NUP210L: variants seen among roughly 807,000 people sequenced by gnomAD.
NUP210L encodes nucleoporin 210 like.
Under a neutral mutation model 208.5 loss-of-function variants are expected in NUP210L, and 74 were observed. The ratio of observed to expected loss-of-function variants is 0.35; its 90% CI spans 0.29 to 0.43. The LOEUF is 0.43. Among genes scored for constraint, NUP210L ranks in the 20% least tolerant of loss-of-function variants. The pLI, the probability that NUP210L is intolerant of heterozygous loss-of-function variation, is 1.00. For synonymous variants in NUP210L, 780 were observed against 816.9 expected (o/e 0.95, Z 0.77); for missense variants, 1,843 against 2,289.4 (o/e 0.81, Z 3.98).
exon 6 of NUP210L, chr1:154,138,217 G>T: frequency 6.5e-7 from 1 of 1,534,360 alleles, no homozygotes; most frequent in Non-Finnish European, 8.7e-7. Context: ...ACAAGCAGAC[G>T]TATTAAGGCT....
chr1:153,995,764 G>A, intron 37 of NUP210L: 1 of 688,226 alleles, frequency 1.5e-6, no homozygotes, highest in Non-Finnish European at 2.7e-6. Context: ...ACCAAAATCT[G>A]CATGTGGCAT....
intron 35 of NUP210L, among the ~76,000 whole-genome samples, chr1:154,003,921 A>G (rs1650353555): frequency 6.6e-6 from 1 of 152,100 alleles, no homozygotes; most frequent in African/African-American, 2.4e-5. Flanking sequence ...GACCCTTATC[A>G]ATGCATGCTT....
intron 5 of NUP210L, 103 bp from the exon 6 acceptor site, chr1:154,138,341 A>C: frequency 6.7e-6 from 7 of 1,050,974 alleles, no homozygotes; most frequent in Non-Finnish European, 9.2e-6. Flanking sequence ...TTCTTTTAAA[A>C]TTTTTTATAA....
intron 14 of NUP210L, among the ~76,000 whole-genome samples, chr1:154,099,365 C>T (rs969872747): frequency 1.3e-5 from 2 of 152,144 alleles, no homozygotes; most frequent in African/African-American, 2.4e-5. Context: ...CACTTGGCGT[C>T]GGTTCCAAAC....
chr1:154,071,237 C>T (rs1654710085), intron 16 of NUP210L, among the ~76,000 whole-genome samples: 1 of 151,908 alleles, frequency 6.6e-6, no homozygotes, highest in Non-Finnish European at 1.5e-5. Context: ...GCTAGGACTA[C>T]AGGTGCGTGC....
chr1:154,066,201 T>C (rs906132795), intron 17 of NUP210L, among the ~76,000 whole-genome samples: 1 of 151,892 alleles, frequency 6.6e-6, no homozygotes, highest in African/African-American at 2.4e-5. Context: ...CACCCTAACA[T>C]CACAATTGAA....
At chr1:154,053,801 A>T (rs962535054) in intron 25 of NUP210L, among the ~76,000 whole-genome samples, 7 of 152,164 alleles carry the variant, frequency 4.6e-5, no homozygotes, top group Non-Finnish European at 8.8e-5. Context: ...TCAGCTCTGA[A>T]GGCTGTGAGC....
exon 27 of NUP210L, chr1:154,046,114 A>T: frequency 2.5e-6 from 4 of 1,614,196 alleles, no homozygotes; most frequent in Non-Finnish European, 3.4e-6. Context: ...TTTTGCTCAT[A>T]GACCAGTGGA....
Position 154,111,919 on chromosome 1 carries a change from CT to C in NUP210L, c.1620+5805del, listed in dbSNP as rs201752089. On this transcript the variant is annotated intron_variant, in intron 12 of 39. Transcript: ENST00000368559. ...TATTAGTAAACCAAATTCAACAACA[CT>C]TTTTTTTTGTTTTGTTTTGTTTTTT... Among the ~76,000 whole-genome samples, 143 of 150,678 alleles carry C rather than the reference CT, an allele frequency of 9.5e-4. 5 individuals are homozygous for C. Among genetic ancestry groups the C allele is most frequent in the African/African-American group, 3.2e-3 (129 of 40,604 alleles).
chr1:154,021,018 T>G (rs1651527165), intron 32 of NUP210L, among the ~76,000 whole-genome samples: 2 of 151,778 alleles, frequency 1.3e-5, no homozygotes, highest in African/African-American at 4.8e-5. Context: ...CTCGGCTCAC[T>G]GCAACCTCCA....
intron 17 of NUP210L, among the ~76,000 whole-genome samples, chr1:154,063,391 A>C (rs1027342330): frequency 1.3e-5 from 2 of 152,226 alleles, no homozygotes; most frequent in Admixed American, 1.3e-4. Flanking sequence ...AGGGATCTAA[A>C]GTTGTTGAGG....
chr1:154,051,447 C>T (rs1022781131), intron 25 of NUP210L, among the ~76,000 whole-genome samples: 1 of 152,140 alleles, frequency 6.6e-6, no homozygotes, highest in Non-Finnish European at 1.5e-5. Flanking sequence ...ATCTCCTGAC[C>T]TCGTTATCCA....
At chr1:154,061,981 C>T (rs1291572855) in intron 17 of NUP210L, among the ~76,000 whole-genome samples, 1 of 151,956 alleles carries the variant, frequency 6.6e-6, no homozygotes, top group Non-Finnish European at 1.5e-5. Flanking sequence ...GCGCGTGCCA[C>T]GATGCCTGGC....
At chr1:154,149,630 G>A (rs1227159473) in intron 2 of NUP210L, among the ~76,000 whole-genome samples, 2 of 152,128 alleles carry the variant, frequency 1.3e-5, no homozygotes, top group African/African-American at 4.8e-5. Flanking sequence ...GATCACTTGA[G>A]CCCAGGAGGT....
rs1193948555 is a variant in NUP210L at position 154,058,347 on chromosome 1, C to T, written c.2980-131G>A. 2.7e-6 allele frequency: 3 copies of T among 1,096,380 alleles called. No individual in the cohort carries two copies. In the East Asian group the frequency reaches 7.2e-5, roughly 26 times the overall value. 67.9% of individuals were successfully genotyped at this position (1,096,380 alleles called of 1,614,324 possible). On this transcript the variant is annotated intron_variant, in intron 21 of 39. Transcript: ENST00000368559. The stretch of plus-strand genomic sequence containing the variant: ...CCTGGTCAGCCTTCAATCAAATAAG[C>T]TTAATCTATGTGTATTGTTTTAAGT...
chr1:154,082,858 C>T lies in NUP210L; in HGVS notation c.2361+6563G>A, dbSNP rs117500920. Among the ~76,000 whole-genome samples the T allele has an allele frequency of 3.3e-3, 504 of 152,084 alleles. 5 individuals are homozygous for T. The East Asian group carries it at 0.043, about 13-fold the overall frequency. ...GGCACGTCTGGACTTGGTCATTCCT[C>T]CCAGTGGGTTCATCATCTCGCTGGC... On this transcript the variant is annotated intron_variant, in intron 16 of 39. Coordinates refer to ENST00000368559, the Ensembl canonical transcript of NUP210L.
intron 37 of NUP210L, among the ~76,000 whole-genome samples, chr1:153,998,708 CTTT>C (rs34457474): frequency 3.6e-5 from 4 of 109,814 alleles, no homozygotes; most frequent in East Asian, 3.1e-4. Context: ...TCTAGAGATC[CTTT>C]TTTTTTTTTT....
chr1:154,094,291 C>T (rs917963864), intron 15 of NUP210L, among the ~76,000 whole-genome samples: 11 of 151,530 alleles, frequency 7.3e-5, no homozygotes, highest in African/African-American at 2.4e-4. Context: ...TCAAAAACAA[C>T]AACAACAACA....
intron 25 of NUP210L, 133 bp downstream of exon 25, chr1:154,054,095 G>T: frequency 2.6e-6 from 2 of 776,178 alleles, no homozygotes; most frequent in Non-Finnish European, 2.1e-6. Flanking sequence ...CTGGTTGACA[G>T]AATGCCAGGT....
Sources: allele counts gnomAD v4.1 joint callset (sites outside exome capture counted in the v4.1 genomes callset), GRCh38; gene constraint gnomAD v4.1.1; transcripts MANE v1.5; gene names NCBI Gene and HGNC (gene_info 2026-07-23, HGNC 2026-07-21).